The following MAGI3 variants were observed in gnomAD, a reference collection of about 807,000 sequenced individuals.
MAGI3 encodes the protein membrane associated guanylate kinase, WW and PDZ domain containing 3.
A neutral mutation model predicts 121.8 loss-of-function variants in MAGI3; 43 were observed. The ratio of observed to expected loss-of-function variants is 0.35; its 90% CI spans 0.28 to 0.46. MAGI3 has a LOEUF of 0.46. Ranked by LOEUF, MAGI3 falls within the 20% of genes least tolerant of loss-of-function variation. MAGI3 has a pLI of 1.00. For missense variants in MAGI3, 1,547 were observed against 1,797.3 expected, an observed-to-expected ratio of 0.86 and a Z score of 2.52; for synonymous variants, 553 against 639.3, an observed-to-expected ratio of 0.86 and a Z score of 2.04.
intron 1 of MAGI3, among the ~76,000 whole-genome samples, chr1:113,474,611 C>T (rs569608054): frequency 1.3e-5 from 2 of 152,202 alleles, no homozygotes; most frequent in African/African-American, 2.4e-5. Flanking sequence ...CTGTTCTGTT[C>T]CATTGGTCTA....
intron 2 of MAGI3, among the ~76,000 whole-genome samples, chr1:113,550,103 G>T (rs560448247): frequency 8.0e-6 from 1 of 125,446 alleles, no homozygotes. Flanking sequence ...GTGACAGAGC[G>T]ATACTCTGTC....
intron 20 of MAGI3, chr1:113,682,628 C>T (rs1648288205): frequency 1.0e-6 from 1 of 980,854 alleles, no homozygotes. Context: ...AGAGAATTTA[C>T]AGATCATATA....
intron 20 of MAGI3, chr1:113,682,514 G>T: frequency 7.7e-7 from 1 of 1,306,510 alleles, no homozygotes; most frequent in Non-Finnish European, 9.7e-7. Flanking sequence ...TAGTGATTTT[G>T]CCATATCCTA....
chr1:113,602,930 A>G (rs1474364002), intron 6 of MAGI3, among the ~76,000 whole-genome samples: 1 of 151,860 alleles, frequency 6.6e-6, no homozygotes, highest in African/African-American at 2.4e-5. Flanking sequence ...TGTCTCAAAA[A>G]ATAAAAAAAA....
intron 11 of MAGI3, among the ~76,000 whole-genome samples, chr1:113,644,028 C>G (rs1652695909): frequency 1.3e-5 from 2 of 152,150 alleles, no homozygotes; most frequent in Non-Finnish European, 2.9e-5. Flanking sequence ...ATCCTGTTCT[C>G]TAAGTTATAA....
At chr1:113,528,673 T>G (rs1658568661) in intron 1 of MAGI3, among the ~76,000 whole-genome samples, 1 of 152,188 alleles carries the variant, frequency 6.6e-6, no homozygotes, top group African/African-American at 2.4e-5. Context: ...GAGTTGCTAA[T>G]TCTATCGTTC....
intron 1 of MAGI3, among the ~76,000 whole-genome samples, chr1:113,493,008 A>T (rs1258519442): frequency 2.0e-5 from 3 of 152,196 alleles, no homozygotes; most frequent in African/African-American, 7.2e-5. Context: ...TTATACTACC[A>T]TTTACATTTT....
chr1:113,585,620 C>T (rs752620692), intron 4 of MAGI3, 24 bp downstream of exon 4: 1 of 1,565,500 alleles, frequency 6.4e-7, no homozygotes, highest in South Asian at 1.1e-5. Context: ...TGAACAACTT[C>T]TAACTGATCT....
At position 113,641,950 on chromosome 1, in the gene MAGI3, G is replaced by C. The variant is rs772403961; in HGVS notation, c.1400G>C (p.Gly467Ala). Residue 467 changes from glycine (G) to alanine (A), a missense_variant, in exon 10 of 21, where the codon GGT becomes GCT. Physicochemically the swap from Gly to Ala is moderately conservative, Grantham distance 60. Coordinates refer to ENST00000307546, the MANE Select transcript of MAGI3 (RefSeq NM_001142782.2). ...IVDINGNCVL[G>A]HTHADVVQMF... ...GACATCAATGGCAACTGTGTCCTCG[G>C]TCACACTCATGCAGATGTTGTCCAG... is the stretch of plus-strand genomic sequence containing the variant. 1.1e-5 allele frequency: 18 copies of C among 1,602,018 alleles called. No homozygotes were observed. The Admixed American group carries it at 1.2e-4, about 10-fold the overall frequency.
chr1:113,586,243 T>C lies in MAGI3; in HGVS notation c.763+647T>C, dbSNP rs76886224. ...AGCTGAGCTTATTCAATGGTATTCATTGCAAAAATTCCATTCAGAACACTA... is the reference window on the plus strand; with the variant it reads ...AGCTGAGCTTATTCAATGGTATTCACTGCAAAAATTCCATTCAGAACACTA... On this transcript the variant is annotated intron_variant, in intron 4 of 20. Coordinates refer to ENST00000307546, the MANE Select transcript of MAGI3 (RefSeq NM_001142782.2). 3.9e-3 allele frequency among the ~76,000 whole-genome samples: 590 copies of C among 152,312 alleles called. 3 individuals are homozygous for C. The highest frequency in any genetic ancestry group is 0.014 in the African/African-American group (565 of 41,580).
intron 19 of MAGI3, among the ~76,000 whole-genome samples, chr1:113,676,175 T>C (rs1406248561): frequency 2.0e-5 from 3 of 152,148 alleles, no homozygotes; most frequent in African/African-American, 7.2e-5. Flanking sequence ...AATTAGGATA[T>C]AATTGTTTTA....
chr1:113,660,566 T>C (rs902900107), intron 16 of MAGI3, among the ~76,000 whole-genome samples: 4 of 151,206 alleles, frequency 2.6e-5, no homozygotes, highest in African/African-American at 9.7e-5. Context: ...AATGGTCTGC[T>C]CTTTGTAAAC....
intron 3 of MAGI3, among the ~76,000 whole-genome samples, chr1:113,583,534 C>T (rs1648169230): frequency 6.6e-6 from 1 of 152,068 alleles, no homozygotes; most frequent in Non-Finnish European, 1.5e-5. Context: ...AGTAGTACTA[C>T]TACCTTACTT....
At chr1:113,637,104 A>C (rs1409827043) in intron 9 of MAGI3, among the ~76,000 whole-genome samples, 1 of 151,610 alleles carries the variant, frequency 6.6e-6, no homozygotes, top group Non-Finnish European at 1.5e-5. Context: ...CCATCCTTTT[A>C]TTTTGAGTCT....
chr1:113,682,945 AAC>A lies in MAGI3; in HGVS notation c.3379_3380del (p.Gln1127ValfsTer14), dbSNP rs1648305534. ...TCGTCTTCAAATGTGATTTATGATG[AAC>A]AGTCACCATTACCCCCATCTTCACA... On this transcript the variant is annotated frameshift_variant, in exon 21 of 21. Transcript: ENST00000307546. LOFTEE classifies it low-confidence loss of function (END_TRUNC). 1 of 1,606,464 alleles carries A rather than the reference AAC, an allele frequency of 6.2e-7. No homozygotes were observed. The highest frequency in any genetic ancestry group is 8.5e-7 in the Non-Finnish European group (1 of 1,178,010).
chr1:113,465,044 G>A (rs1368037335), intron 1 of MAGI3, among the ~76,000 whole-genome samples: 2 of 152,108 alleles, frequency 1.3e-5, no homozygotes, highest in East Asian at 1.9e-4. Context: ...TTGTGCTTTC[G>A]ACATCCTACA....
At chr1:113,614,767 T>A in intron 7 of MAGI3, 109 bp downstream of exon 7, 1 of 719,180 alleles carries the variant, frequency 1.4e-6, no homozygotes. Context: ...AGCTGTTGAG[T>A]TTTTCAACTA....
rs371002908 is a variant in MAGI3 at position 113,683,278 on chromosome 1, A to G, written c.3710A>G (p.Asp1237Gly). 2.5e-6 allele frequency: 4 copies of G among 1,612,938 alleles called. No homozygotes were observed. The African/African-American group carries it at 4.0e-5, about 16-fold the overall frequency. Reference protein sequence around the residue: ...PASQHSEEHLDKIPSPLKNNP... With the variant: ...PASQHSEEHLGKIPSPLKNNP... ...AGTCAACATTCAGAGGAACATTTGG[A>G]TAAGATTCCTAGTCCTCTAAAAAAT... The change falls in exon 21 of 21, where the codon GAT becomes GGT. Residue 1237 changes from aspartate (D) to glycine (G), a missense_variant. Physicochemically the swap from Asp to Gly is moderately conservative, Grantham distance 94 (BLOSUM62 -1). Coordinates refer to ENST00000307546, the MANE Select transcript of MAGI3 (RefSeq NM_001142782.2).
chr1:113,591,993 A>T (rs1648718588), intron 5 of MAGI3, among the ~76,000 whole-genome samples: 1 of 152,134 alleles, frequency 6.6e-6, no homozygotes, highest in Non-Finnish European at 1.5e-5. Context: ...AAACATAGGG[A>T]AAAAGCTTTA....
Sources: gnomAD v4.1 joint callset for allele counts (sites outside exome capture counted in the v4.1 genomes callset) on GRCh38, gnomAD v4.1.1 for gene constraint, MANE v1.5 for transcripts, NCBI Gene and HGNC (gene_info 2026-07-23, HGNC 2026-07-21) for gene names.